SPAG16: variants seen among roughly 807,000 people sequenced by gnomAD.
SPAG16 encodes the protein sperm-associated antigen 16 protein.
A neutral mutation model predicts 80.4 loss-of-function variants in SPAG16; 86 were observed. The observed-to-expected ratio is 1.07, with a 90% CI of 0.90 to 1.28. SPAG16 has a LOEUF of 1.28. Among genes scored for constraint, SPAG16 ranks in the 50% most tolerant of loss-of-function variants. The pLI is 0.00. For missense variants in SPAG16, 870 were observed against 765.3 expected (o/e 1.14, Z -1.61); for synonymous variants, 294 against 265.9 (o/e 1.11, Z -1.03).
intron 15 of SPAG16, among the ~76,000 whole-genome samples, chr2:214,392,521 G>A (rs2126129548): frequency 6.6e-6 from 1 of 152,182 alleles, no homozygotes; most frequent in East Asian, 1.9e-4. Flanking sequence ...TCCCATGACA[G>A]CAAGCCCTTG....
chr2:213,835,361 A>G (rs1392650600), intron 10 of SPAG16, among the ~76,000 whole-genome samples: 1 of 152,188 alleles, frequency 6.6e-6, no homozygotes, highest in Non-Finnish European at 1.5e-5. Flanking sequence ...ATCTAATATA[A>G]TAAATGTTAA....
At chr2:214,331,379 C>T (rs1372630344) in intron 15 of SPAG16, among the ~76,000 whole-genome samples, 2 of 152,152 alleles carry the variant, frequency 1.3e-5, no homozygotes, top group South Asian at 2.1e-4. Flanking sequence ...GCATGATGAG[C>T]CTGAAGTGAC....
At chr2:213,446,443 G>T (rs1483488724) in intron 9 of SPAG16, among the ~76,000 whole-genome samples, 4 of 152,226 alleles carry the variant, frequency 2.6e-5, no homozygotes, top group Non-Finnish European at 5.9e-5. Flanking sequence ...ATTTTGGAAT[G>T]CAGTTCAAGC....
intron 15 of SPAG16, among the ~76,000 whole-genome samples, chr2:214,225,289 G>A (rs906112866): frequency 2.0e-5 from 3 of 152,128 alleles, no homozygotes; most frequent in Non-Finnish European, 4.4e-5. Context: ...CTTTTACTGA[G>A]TGAGGTAGGA....
intron 10 of SPAG16, among the ~76,000 whole-genome samples, chr2:213,601,804 C>T (rs1196078400): frequency 1.3e-5 from 2 of 152,174 alleles, no homozygotes; most frequent in African/African-American, 4.8e-5. Context: ...TACAGGTTTG[C>T]AGTCTGGGAA....
chr2:213,373,125 A>G (rs1246067772), intron 8 of SPAG16, among the ~76,000 whole-genome samples: 2 of 152,162 alleles, frequency 1.3e-5, no homozygotes, highest in South Asian at 2.1e-4. Context: ...TTTGTCATTA[A>G]TAAGCATTAG....
chr2:213,621,902 C>G (rs1431160637), intron 10 of SPAG16, among the ~76,000 whole-genome samples: 1 of 152,088 alleles, frequency 6.6e-6, no homozygotes, highest in African/African-American at 2.4e-5. Flanking sequence ...GGGTGGGAAC[C>G]AGGACTACAT....
Position 213,346,156 on chromosome 2 carries a change from G to T in SPAG16, c.645-4372G>T, listed in dbSNP as rs556618866. The stretch of plus-strand genomic sequence containing the variant: ...CTCTTTGAAGCAATTGTGAATGGGA[G>T]TTCACTCATGATTTGGCTCTCTGTT... On this transcript the variant is annotated intron_variant, in intron 6 of 15. Coordinates refer to ENST00000331683, the MANE Select transcript of SPAG16 (RefSeq NM_024532.5). 7.0e-4 allele frequency among the ~76,000 whole-genome samples: 106 copies of T among 152,220 alleles called. 1 individual carries two copies. The highest frequency in any genetic ancestry group is 1.2e-3 in the Non-Finnish European group (82 of 68,008).
intron 13 of SPAG16, among the ~76,000 whole-genome samples, chr2:214,093,321 A>G (rs576792594): frequency 4.6e-5 from 7 of 152,016 alleles, no homozygotes; most frequent in South Asian, 4.1e-4. Context: ...GAAGTAATCT[A>G]TTTGCTCTGG....
At chr2:214,395,646 G>A (rs4324320) in intron 15 of SPAG16, among the ~76,000 whole-genome samples, 109,698 of 152,028 alleles carry the variant, frequency 0.72, 43,168 homozygotes, top group Non-Finnish European at 0.88. Flanking sequence ...CATAGTACCC[G>A]ATAGGTATTT....
At chr2:214,374,477 C>T (rs1030862021) in intron 15 of SPAG16, among the ~76,000 whole-genome samples, 5 of 152,230 alleles carry the variant, frequency 3.3e-5, no homozygotes, top group Non-Finnish European at 7.3e-5. Flanking sequence ...TGTTCACATT[C>T]ATCCTTTACC....
intron 10 of SPAG16, among the ~76,000 whole-genome samples, chr2:213,658,725 G>A (rs193091388): frequency 2.6e-5 from 4 of 152,164 alleles, no homozygotes; most frequent in African/African-American, 9.7e-5. Flanking sequence ...GGAGTGAAGA[G>A]TTTGAGGCAT....
rs71063764 is a variant in SPAG16 at position 213,643,767 on chromosome 2, CTTTTTTTTTTTTTTT to C, written c.1070+153692_1070+153706del. The stretch of plus-strand genomic sequence containing the variant: ...TAGCCTGTCTTCAAGCTCACTACTT[CTTTTTTTTTTTTTTT>C]TTTTTTTTTTTTTTGAGACGCAGTT... On this transcript the variant is annotated intron_variant, in intron 10 of 15. Coordinates refer to ENST00000331683, the MANE Select transcript of SPAG16 (RefSeq NM_024532.5). Among the ~76,000 whole-genome samples, 73 of 52,006 alleles carry C rather than the reference CTTTTTTTTTTTTTTT, an allele frequency of 1.4e-3. 1 individual carries two copies. The highest frequency in any genetic ancestry group is 2.5e-4 in the Non-Finnish European group (7 of 28,500). 34.1% of individuals were successfully genotyped at this position (52,006 alleles called of 152,430 possible). A position where few individuals can be genotyped will look rare whatever the true frequency, so the allele number is the denominator to read the frequency against.
At chr2:213,388,848 T>C (rs1346107563) in intron 9 of SPAG16, among the ~76,000 whole-genome samples, 2 of 152,198 alleles carry the variant, frequency 1.3e-5, no homozygotes, top group African/African-American at 4.8e-5. Flanking sequence ...TAAATAAATG[T>C]AAACATATCC....
At chr2:214,296,288 A>G (rs1382594051) in intron 15 of SPAG16, among the ~76,000 whole-genome samples, 1 of 152,176 alleles carries the variant, frequency 6.6e-6, no homozygotes, top group African/African-American at 2.4e-5. Flanking sequence ...TAATCCTATC[A>G]TCCATTGATG....
intron 15 of SPAG16, chr2:214,280,728 G>A: frequency 2.5e-6 from 1 of 401,684 alleles, no homozygotes; most frequent in East Asian, 6.5e-5. Flanking sequence ...TTTTGGGATG[G>A]TTCTATCTCT....
At chr2:213,647,388 G>C (rs73988578) in intron 10 of SPAG16, among the ~76,000 whole-genome samples, 1,970 of 152,254 alleles carry the variant, frequency 0.013, 48 homozygotes, top group African/African-American at 0.044. Context: ...CCAGTTCTGA[G>C]TCTTCTGCTT....
At chr2:213,851,698 C>A (rs1216615999) in intron 10 of SPAG16, among the ~76,000 whole-genome samples, 1 of 152,140 alleles carries the variant, frequency 6.6e-6, no homozygotes, top group African/African-American at 2.4e-5. Flanking sequence ...ATTAGCACTA[C>A]CAGCCAGGTG....
At chr2:213,735,456 G>A (rs189935375) in intron 10 of SPAG16, among the ~76,000 whole-genome samples, 2 of 152,288 alleles carry the variant, frequency 1.3e-5, no homozygotes, top group African/African-American at 2.4e-5. Flanking sequence ...ATGTTACTGA[G>A]TGTCAGGTTA....
Sources: allele counts gnomAD v4.1 joint callset (sites outside exome capture counted in the v4.1 genomes callset), GRCh38; gene constraint gnomAD v4.1.1; transcripts MANE v1.5; gene names NCBI Gene and HGNC (gene_info 2026-07-23, HGNC 2026-07-21).